Variants in GRK3 observed in about 807,000 individuals in gnomAD.
GRK3 encodes the protein adrenergic, beta, receptor kinase 2.
Under a neutral mutation model 95.7 loss-of-function variants are expected in GRK3, and 54 were observed. The ratio of observed to expected loss-of-function variants is 0.56; its 90% CI spans 0.45 to 0.71. The LOEUF (loss-of-function observed/expected upper bound fraction) is 0.71. GRK3 is among the 30% of genes least tolerant of loss of function. The pLI is 0.00. For missense variants in GRK3, 649 were observed against 851.2 expected, an observed-to-expected ratio of 0.76 and a Z score of 2.96; for synonymous variants, 281 against 290.8, an observed-to-expected ratio of 0.97 and a Z score of 0.34.
chr22:25,570,991 T>C (rs775730805), intron 1 of GRK3, among the ~76,000 whole-genome samples: 4 of 152,146 alleles, frequency 2.6e-5, no homozygotes, highest in Non-Finnish European at 5.9e-5. Context: ...GCAGTGAAAA[T>C]ATTTTTGCGA....
At chr22:25,616,943 C>T (rs1337975851) in intron 2 of GRK3, among the ~76,000 whole-genome samples, 2 of 152,114 alleles carry the variant, frequency 1.3e-5, no homozygotes, top group Non-Finnish European at 2.9e-5. Context: ...GCTTTGAGGT[C>T]AGCATTAAGC....
chr22:25,584,971 A>T (rs1209653900), intron 1 of GRK3, among the ~76,000 whole-genome samples: 2 of 152,290 alleles, frequency 1.3e-5, no homozygotes, highest in Admixed American at 1.3e-4. Context: ...CTCCCTGGAG[A>T]GGCCCAGTCA....
At chr22:25,671,366 C>T (rs775117934) in intron 6 of GRK3, among the ~76,000 whole-genome samples, 1 of 152,128 alleles carries the variant, frequency 6.6e-6, no homozygotes, top group Admixed American at 6.6e-5. Flanking sequence ...AAACAAAAGA[C>T]CCACCTTACA....
Position 25,702,673 on chromosome 22 carries a change from G to A in GRK3, c.1161-837G>A, listed in dbSNP as rs550351936. 2.8e-4 allele frequency among the ~76,000 whole-genome samples: 43 copies of A among 152,332 alleles called. No homozygotes were observed. The South Asian group carries it at 8.7e-3, about 31-fold the overall frequency. ...TAATCTGTTTTACATAGTTCACCAA[G>A]TAGACATTCATTTCATAAAGTAAGA... On this transcript the variant is annotated intron_variant, in intron 13 of 20. Coordinates refer to ENST00000324198, the MANE Select transcript of GRK3 (RefSeq NM_005160.4).
At chr22:25,641,945 A>T (rs2084746298) in intron 2 of GRK3, among the ~76,000 whole-genome samples, 2 of 152,232 alleles carry the variant, frequency 1.3e-5, no homozygotes, top group Non-Finnish European at 2.9e-5. Context: ...GTATTATTTC[A>T]TTTTGTCATT....
chr22:25,695,194 G>A lies in GRK3; in HGVS notation c.1140G>A (p.Met380Ile), dbSNP rs2085197766. Residue 380 changes from methionine (M) to isoleucine (I), a missense_variant, in exon 13 of 21, where the codon ATG becomes ATA. Coordinates refer to ENST00000324198, the MANE Select transcript of GRK3 (RefSeq NM_005160.4). ...CCGACTGGTTCTCCCTGGGCTGCAT[G>A]CTTTTCAAACTTCTGAGAGGGTGAG... is the stretch of plus-strand genomic sequence containing the variant. The part of the protein sequence containing the change: ...SSADWFSLGC[M>I]LFKLLRGHSP... The A allele has an allele frequency of 8.7e-6, 14 of 1,614,080 alleles. No individual in the cohort carries two copies. The highest frequency in any genetic ancestry group is 1.2e-5 in the Non-Finnish European group (14 of 1,179,930).
chr22:25,701,155 T>A lies in GRK3; in HGVS notation c.1161-2355T>A, dbSNP rs546462825. On this transcript the variant is annotated intron_variant, in intron 13 of 20. Transcript: ENST00000324198. ...TCCCTGATGCAGCCAGCATGTTGCA[T>A]GGGAAGAGCTTGGCCGTGCCTTGTA... 2.6e-5 allele frequency among the ~76,000 whole-genome samples: 4 copies of A among 152,296 alleles called. No homozygotes were observed. The South Asian group carries it at 8.3e-4, about 32-fold the overall frequency.
intron 19 of GRK3, 147 bp downstream of exon 19, chr22:25,718,528 C>CT (rs1213706350): frequency 1.0e-6 from 1 of 955,476 alleles, no homozygotes; most frequent in Non-Finnish European, 1.5e-6. Context: ...AATGTGCAAA[C>CT]TTTAACTTGT....
At chr22:25,719,757 A>G (rs1009931189) in intron 19 of GRK3, among the ~76,000 whole-genome samples, 3 of 151,764 alleles carry the variant, frequency 2.0e-5, no homozygotes, top group Non-Finnish European at 4.4e-5. Context: ...CACTCAAAAC[A>G]TTGTTTATGT....
At position 25,648,288 on chromosome 22, in the gene GRK3, C is replaced by T. The variant is rs2084801653; in HGVS notation, c.264+3623C>T. The T allele has an allele frequency of 6.6e-6, 6 of 914,430 alleles. No homozygotes were observed. In the Admixed American group the frequency reaches 1.0e-4, roughly 16 times the overall value. 56.6% of individuals were successfully genotyped at this position (914,430 alleles called of 1,614,324 possible). A position where few individuals can be genotyped will look rare whatever the true frequency, so the allele number is the denominator to read the frequency against. ...TAGATACTATATCACAACCAGAGAACAACTTGATACTCTGCAGAAATTGGC... is the reference window on the plus strand; with the variant it reads ...TAGATACTATATCACAACCAGAGAATAACTTGATACTCTGCAGAAATTGGC... On this transcript the variant is annotated intron_variant, in intron 3 of 20. Coordinates refer to ENST00000324198, the MANE Select transcript of GRK3 (RefSeq NM_005160.4).
At chr22:25,677,803 T>C (rs967835683) in intron 8 of GRK3, among the ~76,000 whole-genome samples, 13 of 152,230 alleles carry the variant, frequency 8.5e-5, no homozygotes, top group Admixed American at 2.6e-4. Flanking sequence ...CTGTGAAACG[T>C]GTGAAAACAC....
chr22:25,707,252 C>T (rs574061253), intron 15 of GRK3, among the ~76,000 whole-genome samples: 12 of 152,304 alleles, frequency 7.9e-5, no homozygotes, highest in African/African-American at 2.9e-4. Flanking sequence ...TTTCTAATTG[C>T]TTGGATATAT....
chr22:25,642,788 G>A lies in GRK3; in HGVS notation c.191-1804G>A, dbSNP rs548491213. ...CAGTTCCATCTGTGTTGCTGCAGAG[G>A]ACCATCTTGAAGAACTCTATCAAGC... On this transcript the variant is annotated intron_variant, in intron 2 of 20. Transcript: ENST00000324198. Among the ~76,000 whole-genome samples the A allele has an allele frequency of 5.3e-5, 8 of 152,240 alleles. No individual in the cohort carries two copies. The South Asian group carries it at 1.5e-3, about 28-fold the overall frequency.
chr22:25,682,010 C>G (rs573483521), intron 9 of GRK3, among the ~76,000 whole-genome samples: 3 of 152,036 alleles, frequency 2.0e-5, no homozygotes, highest in African/African-American at 7.2e-5. Context: ...TTCAGCACCC[C>G]GAGAGGTGAG....
At chr22:25,715,471 T>G (rs1369131058) in intron 18 of GRK3, among the ~76,000 whole-genome samples, 2 of 152,084 alleles carry the variant, frequency 1.3e-5, no homozygotes, top group Non-Finnish European at 1.5e-5. Context: ...ATTGTGCCAC[T>G]GCACTCTAGC....
chr22:25,712,466 C>T (rs1341920619), intron 17 of GRK3, among the ~76,000 whole-genome samples: 1 of 152,230 alleles, frequency 6.6e-6, no homozygotes, highest in East Asian at 1.9e-4. Context: ...AATTTTTTCA[C>T]CTGCTGTATA....
chr22:25,620,914 C>G (rs1434302929), intron 2 of GRK3, among the ~76,000 whole-genome samples: 4 of 152,216 alleles, frequency 2.6e-5, no homozygotes, highest in Non-Finnish European at 4.4e-5. Context: ...CGAATTCCAT[C>G]AAGAAGACTG....
intron 2 of GRK3, among the ~76,000 whole-genome samples, chr22:25,638,125 C>T (rs2084716411): frequency 1.3e-5 from 2 of 152,008 alleles, no homozygotes; most frequent in Admixed American, 6.6e-5. Flanking sequence ...CCACTAAAGG[C>T]GATAACAAGG....
chr22:25,642,908 C>A (rs924962242), intron 2 of GRK3, among the ~76,000 whole-genome samples: 1 of 152,080 alleles, frequency 6.6e-6, no homozygotes, highest in African/African-American at 2.4e-5. Flanking sequence ...TACAGCATTC[C>A]GTTAGATAGA....
Sources: allele counts gnomAD v4.1 joint callset (sites outside exome capture counted in the v4.1 genomes callset), GRCh38; gene constraint gnomAD v4.1.1; transcripts MANE v1.5; gene names NCBI Gene and HGNC (gene_info 2026-07-23, HGNC 2026-07-21).